P4HA2: variants seen among roughly 807,000 people sequenced by gnomAD.
The protein encoded by P4HA2 is prolyl 4-hydroxylase subunit alpha-2.
Under a neutral mutation model 76.9 loss-of-function variants are expected in P4HA2, and 46 were observed. That is an observed-to-expected ratio of 0.60 (90% CI 0.47 to 0.76). The LOEUF (loss-of-function observed/expected upper bound fraction) is 0.76, where lower values mean the gene tolerates loss of function less well. Among genes scored for constraint, P4HA2 ranks in the 30% least tolerant of loss-of-function variants. The probability of loss-of-function intolerance (pLI) is 0.00; values close to 1 mark genes in which losing one functional copy is unlikely to be tolerated. For synonymous variants in P4HA2, 243 were observed against 254.0 expected (o/e 0.96, Z 0.41); for missense variants, 583 against 669.4 (o/e 0.87, Z 1.42).
intron 1 of P4HA2, among the ~76,000 whole-genome samples, chr5:132,224,225 A>T (rs1755042121): frequency 6.6e-6 from 1 of 152,244 alleles, no homozygotes; most frequent in African/African-American, 2.4e-5. Context: ...CTAGGGTCAG[A>T]CATACTAAGA....
chr5:132,223,684 T>G (rs1754943225), intron 1 of P4HA2, among the ~76,000 whole-genome samples: 1 of 152,228 alleles, frequency 6.6e-6, no homozygotes, highest in African/African-American at 2.4e-5. Context: ...TAAGCACTAT[T>G]TGTTTCCAAA....
intron 5 of P4HA2, 73 bp from the exon 6 acceptor site, chr5:132,210,596 A>T (rs1038235907): frequency 1.3e-6 from 2 of 1,534,876 alleles, no homozygotes; most frequent in Non-Finnish European, 1.8e-6. Flanking sequence ...CACTTCAAGG[A>T]AAGCCTGAGC....
At chr5:132,205,755 G>T (rs567679355) in intron 8 of P4HA2, among the ~76,000 whole-genome samples, 2 of 152,266 alleles carry the variant, frequency 1.3e-5, no homozygotes, top group South Asian at 4.1e-4. Flanking sequence ...CCTACTCATG[G>T]CCCTTCCTGA....
At chr5:132,195,202 G>T in intron 13 of P4HA2, 180 bp from the exon 14 acceptor site, 1 of 635,840 alleles carries the variant, frequency 1.6e-6, no homozygotes, top group Non-Finnish European at 2.8e-6. Context: ...CCTTTCTGAG[G>T]TAGAAGTCTG....
chr5:132,194,778 G>A, intron 14 of P4HA2, 148 bp downstream of exon 14: 2 of 678,792 alleles, frequency 2.9e-6, no homozygotes, highest in East Asian at 2.6e-5. Context: ...TTACATGGCT[G>A]GATGGTAATA....
intron 5 of P4HA2, among the ~76,000 whole-genome samples, chr5:132,212,754 C>T (rs938017431): frequency 6.6e-6 from 1 of 152,024 alleles, no homozygotes; most frequent in Non-Finnish European, 1.5e-5. Context: ...GGATGGAGTC[C>T]TAGGGAGTAA....
chr5:132,221,148 G>A (rs771542488), intron 1 of P4HA2, among the ~76,000 whole-genome samples: 4 of 152,218 alleles, frequency 2.6e-5, no homozygotes, highest in Non-Finnish European at 5.9e-5. Context: ...TATGCCCACA[G>A]CTTGCTTAAG....
Position 132,222,881 on chromosome 5 carries a change from G to A in P4HA2, c.-18-4237C>T, listed in dbSNP as rs62384126. On this transcript the variant is annotated intron_variant, in intron 1 of 14. Coordinates refer to ENST00000360568, the MANE Select transcript of P4HA2 (RefSeq NM_001017974.2). ...CAGAGAAGGCTGTTAAAACTGACAT[G>A]CAAAAGCCAAGTTGGGTTTTCAGTC... Among the ~76,000 whole-genome samples the A allele has an allele frequency of 7.5e-3, 1,141 of 152,312 alleles. 8 individuals are homozygous for A. Among genetic ancestry groups the A allele is most frequent in the Middle Eastern group, 0.024 (7 of 294 alleles).
rs1002876167 is a variant in P4HA2, at chr5:132,213,856, A to G, written c.469+60T>C. On this transcript the variant is annotated intron_variant, in intron 5 of 14. Coordinates refer to ENST00000360568, the MANE Select transcript of P4HA2 (RefSeq NM_001017974.2). Reference sequence around the variant, plus strand: ...AGGCCACAAGTTGGTGGTGGCTCCAACCTGTCCCGCCACTAAAGAGACACA... The same window carrying G: ...AGGCCACAAGTTGGTGGTGGCTCCAGCCTGTCCCGCCACTAAAGAGACACA... The G allele has an allele frequency of 5.1e-6, 8 of 1,569,310 alleles. No individual in the cohort carries two copies. In the East Asian group the frequency reaches 1.6e-4, roughly 31 times the overall value.
intron 7 of P4HA2, 91 bp downstream of exon 7, chr5:132,209,047 C>T (rs1340143094): frequency 1.1e-6 from 1 of 896,274 alleles, no homozygotes; most frequent in Non-Finnish European, 1.7e-6. Context: ...AAAGTACCTA[C>T]AGAATAAAGA....
chr5:132,203,891 G>A, intron 9 of P4HA2, 44 bp from the exon 10 acceptor site: 2 of 1,448,060 alleles, frequency 1.4e-6, no homozygotes, highest in African/African-American at 1.4e-5. Flanking sequence ...CGGAAGGGCA[G>A]GCTTCCATGA....
chr5:132,195,593 C>T (rs1217918920), intron 12 of P4HA2, 113 bp from the exon 13 acceptor site: 4 of 775,540 alleles, frequency 5.2e-6, no homozygotes, highest in African/African-American at 1.7e-5. Context: ...ATGAGTGACA[C>T]TACTTGGTGT....
At chr5:132,216,320 G>A (rs1306438781) in intron 4 of P4HA2, among the ~76,000 whole-genome samples, 1 of 152,102 alleles carries the variant, frequency 6.6e-6, no homozygotes, top group South Asian at 2.1e-4. Flanking sequence ...AAAGCACCAA[G>A]TATAGTTTAA....
At chr5:132,198,403 C>T (rs765992792) in intron 11 of P4HA2, 23 bp from the exon 12 acceptor site, 6 of 1,611,082 alleles carry the variant, frequency 3.7e-6, no homozygotes, top group African/African-American at 1.3e-5. Flanking sequence ...ACAACTTTCA[C>T]CCAAGTTTAC....
intron 8 of P4HA2, among the ~76,000 whole-genome samples, chr5:132,206,004 GTC>G: frequency 6.6e-6 from 1 of 152,160 alleles, no homozygotes; most frequent in Non-Finnish European, 1.5e-5. Flanking sequence ...AATAGCATCT[GTC>G]CCTCACAGTC....
At chr5:132,198,532 A>G (rs911790361) in intron 11 of P4HA2, 152 bp from the exon 12 acceptor site, 17 of 744,788 alleles carry the variant, frequency 2.3e-5, no homozygotes, top group Non-Finnish European at 3.9e-5. Context: ...AATTCTGGCT[A>G]GGGCATGGAG....
chr5:132,198,192 C>G, intron 12 of P4HA2, 129 bp downstream of exon 12: 2 of 1,614,086 alleles, frequency 1.2e-6, no homozygotes, highest in Non-Finnish European at 1.7e-6. Context: ...CTCATCAGCA[C>G]ACATCATACT....
intron 5 of P4HA2, among the ~76,000 whole-genome samples, chr5:132,210,767 G>C (rs1274771993): frequency 3.9e-5 from 6 of 152,184 alleles, no homozygotes; most frequent in Admixed American, 3.9e-4. Context: ...TCCCAAGTGG[G>C]AAGGGGCCTT....
At chr5:132,219,414 A>G (rs1329412209) in intron 1 of P4HA2, among the ~76,000 whole-genome samples, 1 of 152,250 alleles carries the variant, frequency 6.6e-6, no homozygotes, top group African/African-American at 2.4e-5. Flanking sequence ...ACACATGGCC[A>G]AAACCTCAGG....
Sources: allele counts gnomAD v4.1 joint callset (sites outside exome capture counted in the v4.1 genomes callset), GRCh38; gene constraint gnomAD v4.1.1; transcripts MANE v1.5; gene names NCBI Gene and HGNC (gene_info 2026-07-23, HGNC 2026-07-21).